SLIT2: variants seen among roughly 807,000 people sequenced by gnomAD.
SLIT2 encodes slit guidance ligand 2.
In SLIT2, 41 loss-of-function variants were observed where a neutral mutation model predicts 185.7. The ratio of observed to expected loss-of-function variants is 0.22; its 90% CI spans 0.17 to 0.29. SLIT2 has a LOEUF of 0.29. Ranked by LOEUF, SLIT2 falls within the 10% of genes least tolerant of loss-of-function variation. The pLI is 1.00. For missense variants in SLIT2, 1,571 were observed against 1,909.0 expected (o/e 0.82, Z 3.30); for synonymous variants, 693 against 680.2 (o/e 1.02, Z -0.29).
intron 3 of SLIT2, among the ~76,000 whole-genome samples, chr4:20,263,023 A>G (rs1339756075): frequency 6.6e-6 from 1 of 151,718 alleles, no homozygotes; most frequent in Non-Finnish European, 1.5e-5. Flanking sequence ...CGTGTCCTTT[A>G]TACCTCCCCT....
chr4:20,618,710 C>T (rs1338749761), intron 36 of SLIT2, 58 bp from the exon 37 acceptor site: 4 of 1,495,882 alleles, frequency 2.7e-6, no homozygotes, highest in East Asian at 4.6e-5. Context: ...TTCACAGTCA[C>T]TCTGCATGAC....
rs1426557072 is a variant in SLIT2, at chr4:20,252,774, C to A, written c.-1042C>A. On this transcript the variant is annotated 5_prime_UTR_variant, in exon 1 of 37. Transcript: ENST00000504154. The stretch of plus-strand genomic sequence containing the variant: ...TGGATCCCACCCGCCCACCTGCCAC[C>A]GAGCCATTCTCCAGTACGCCCCAGC... Among the ~76,000 whole-genome samples the A allele has an allele frequency of 6.6e-6, 1 of 152,228 alleles. No homozygotes were observed. Among genetic ancestry groups the A allele is most frequent in the African/African-American group, 2.4e-5 (1 of 41,468 alleles).
rs1464877402 is a variant in SLIT2 at position 20,488,801 on chromosome 4, T to C, written c.612-18T>C. On this transcript the variant is annotated intron_variant, in intron 7 of 36. Coordinates refer to ENST00000504154, the MANE Select transcript of SLIT2 (RefSeq NM_004787.4). ...ACTTTCTGTTTTCTTGCTTTACACT[T>C]CTTTTTTTCTCATTTAGTCGACTGC... 7.7e-6 allele frequency: 12 copies of C among 1,556,680 alleles called. No individual in the cohort carries two copies. The highest frequency in any genetic ancestry group is 1.4e-5 in the African/African-American group (1 of 73,056).
chr4:20,359,691 T>C (rs1722588660), intron 4 of SLIT2, among the ~76,000 whole-genome samples: 1 of 152,054 alleles, frequency 6.6e-6, no homozygotes, highest in Non-Finnish European at 1.5e-5. Context: ...CTTTAAAAAT[T>C]GTTACAAGGC....
At chr4:20,383,229 G>C (rs1724669064) in intron 4 of SLIT2, among the ~76,000 whole-genome samples, 1 of 152,018 alleles carries the variant, frequency 6.6e-6, no homozygotes, top group African/African-American at 2.4e-5. Context: ...ATAGAACACA[G>C]AAAGCAGAAA....
chr4:20,343,077 T>C (rs796470249), intron 4 of SLIT2, among the ~76,000 whole-genome samples: 5 of 152,118 alleles, frequency 3.3e-5, no homozygotes, highest in African/African-American at 1.2e-4. Flanking sequence ...AGGGTGTTCC[T>C]CTCTTCTAGC....
intron 4 of SLIT2, among the ~76,000 whole-genome samples, chr4:20,417,104 T>A (rs1035757099): frequency 1.3e-5 from 2 of 152,114 alleles, no homozygotes; most frequent in African/African-American, 4.8e-5. Flanking sequence ...CTTGACCTCA[T>A]CCTTCATTAC....
chr4:20,537,963 T>G (rs1380308592), intron 18 of SLIT2, among the ~76,000 whole-genome samples: 2 of 152,150 alleles, frequency 1.3e-5, no homozygotes, highest in African/African-American at 4.8e-5. Context: ...TTTTTATCTA[T>G]TTATTTATTT....
rs759036796 is a variant in SLIT2, at chr4:20,253,890, G to A, written c.75G>A (p.Pro25=). The change falls in exon 1 of 37, where the codon CCG becomes CCA. Residue 25 remains proline (P), a synonymous_variant. Coordinates refer to ENST00000504154, the MANE Select transcript of SLIT2 (RefSeq NM_004787.4). ...TGGCGATCCTGAACAAGGTGGCACC[G>A]CAGGCGTGCCCGGCGCAGTGCTCTT... ...LVLAILNKVA[P]QACPAQCSCS... 11 of 1,601,564 alleles carry A rather than the reference G, an allele frequency of 6.9e-6. No individual in the cohort carries two copies. In the South Asian group the frequency reaches 9.9e-5, roughly 14 times the overall value.
intron 26 of SLIT2, among the ~76,000 whole-genome samples, chr4:20,554,819 A>G (rs931934127): frequency 3.3e-5 from 5 of 151,968 alleles, no homozygotes; most frequent in Admixed American, 2.0e-4. Flanking sequence ...GCTGGAGTGC[A>G]GTGGCACGAT....
intron 24 of SLIT2, 70 bp downstream of exon 24, chr4:20,549,198 ATGTAACTGCTT>A: frequency 1.2e-6 from 1 of 838,804 alleles, no homozygotes; most frequent in South Asian, 1.5e-5. Context: ...CTTTTTAAGG[ATGTAACTGCTT>A]TGTTGATTCT....
intron 36 of SLIT2, among the ~76,000 whole-genome samples, chr4:20,618,175 C>A (rs1220102558): frequency 6.6e-6 from 1 of 152,146 alleles, no homozygotes; most frequent in Non-Finnish European, 1.5e-5. Context: ...GTTCACCTTC[C>A]TCCTTCTCCT....
chr4:20,340,609 T>C (rs1418056592), intron 4 of SLIT2, among the ~76,000 whole-genome samples: 2 of 152,032 alleles, frequency 1.3e-5, no homozygotes, highest in Admixed American at 6.6e-5. Flanking sequence ...ATAATAAATA[T>C]ATATTTTTTG....
chr4:20,296,168 A>G lies in SLIT2; in HGVS notation c.395+27287A>G, dbSNP rs557750991. On this transcript the variant is annotated intron_variant, in intron 4 of 36. Coordinates refer to ENST00000504154, the MANE Select transcript of SLIT2 (RefSeq NM_004787.4). ...AAACTGATTAAACAGTTCCTATTCT[A>G]TCTGTGTAAACAGAGACATATTAGT... Among the ~76,000 whole-genome samples, 4 of 150,834 alleles carry G rather than the reference A, an allele frequency of 2.7e-5. 1 individual carries two copies. In the South Asian group the frequency reaches 8.3e-4, roughly 31 times the overall value.
chr4:20,433,478 T>C (rs1729133353), intron 4 of SLIT2, among the ~76,000 whole-genome samples: 1 of 152,214 alleles, frequency 6.6e-6, no homozygotes, highest in Non-Finnish European at 1.5e-5. Context: ...TTTAGAATGG[T>C]AGGCTGCACA....
At chr4:20,434,263 A>G (rs1036050966) in intron 4 of SLIT2, among the ~76,000 whole-genome samples, 4 of 152,084 alleles carry the variant, frequency 2.6e-5, no homozygotes, top group Non-Finnish European at 5.9e-5. Flanking sequence ...CAAGGCCAGC[A>G]GATCACGTGA....
chr4:20,463,473 A>G (rs1187899758), intron 4 of SLIT2, among the ~76,000 whole-genome samples: 20 of 94,682 alleles, frequency 2.1e-4, no homozygotes, highest in African/African-American at 7.2e-4. Flanking sequence ...ATATATATAT[A>G]TATATATATA....
chr4:20,392,607 G>A (rs192857172), intron 4 of SLIT2, among the ~76,000 whole-genome samples: 43 of 152,136 alleles, frequency 2.8e-4, no homozygotes, highest in Admixed American at 2.6e-3. Flanking sequence ...AGATAACACA[G>A]CTTAAAACAC....
chr4:20,502,341 C>G (rs1013224752), intron 9 of SLIT2, among the ~76,000 whole-genome samples: 1 of 152,106 alleles, frequency 6.6e-6, no homozygotes, highest in African/African-American at 2.4e-5. Flanking sequence ...ACACAAGAAG[C>G]ACATGCAGAA....
Sources: gnomAD v4.1 joint callset for allele counts (sites outside exome capture counted in the v4.1 genomes callset) on GRCh38, gnomAD v4.1.1 for gene constraint, MANE v1.5 for transcripts, NCBI Gene and HGNC (gene_info 2026-07-23, HGNC 2026-07-21) for gene names.